The following TENM1 variants were observed in gnomAD, a reference collection of about 807,000 sequenced individuals.
TENM1 encodes the protein teneurin transmembrane protein 1.
In TENM1, 35 loss-of-function variants were observed where a neutral mutation model predicts 174.8. The ratio of observed to expected loss-of-function variants is 0.20; its 90% CI spans 0.15 to 0.27. The LOEUF (loss-of-function observed/expected upper bound fraction) is 0.27. TENM1 is among the 10% of genes least tolerant of loss of function. TENM1 has a pLI of 1.00. For missense variants in TENM1, 1,633 were observed against 2,130.1 expected, an observed-to-expected ratio of 0.77 and a Z score of 4.59; for synonymous variants, 781 against 798.7, an observed-to-expected ratio of 0.98 and a Z score of 0.37.
the TENM1 span, among the ~76,000 whole-genome samples, chrX:125,054,678 A>G: frequency 2.5e-4 from 28 of 112,053 alleles, no homozygotes; most frequent in African/African-American, 7.8e-4. Context: ...AGTTTCTGCC[A>G]TAAGTCAGGT....
At chrX:124,861,039 T>C (rs1015206457) in intron 3 of TENM1, among the ~76,000 whole-genome samples, 4 of 111,836 alleles carry the variant, frequency 3.6e-5, no homozygotes, top group East Asian at 2.8e-4. Context: ...AAAACTACAC[T>C]GAGGCACAAG....
chrX:124,471,649 T>G (rs1385406991), intron 22 of TENM1, among the ~76,000 whole-genome samples: 1 of 84,421 alleles, frequency 1.2e-5, no homozygotes, highest in Non-Finnish European at 2.1e-5. Context: ...TATAATTATA[T>G]AATATACAAT....
At chrX:125,082,478 G>A in the TENM1 span, among the ~76,000 whole-genome samples, 1 of 111,135 alleles carries the variant, frequency 9.0e-6, no homozygotes, top group African/African-American at 3.3e-5. Context: ...TATTGCTAAA[G>A]TCCAACCATA....
intron 11 of TENM1, among the ~76,000 whole-genome samples, chrX:124,595,287 T>G (rs2843507): frequency 0.22 from 24,406 of 111,265 alleles, 1,981 homozygotes; most frequent in South Asian, 0.42. Flanking sequence ...TGTGAGGTGA[T>G]GGATGAGTTA....
intron 1 of TENM1, among the ~76,000 whole-genome samples, chrX:124,904,527 A>C (rs2057715007): frequency 8.9e-6 from 1 of 112,696 alleles, no homozygotes; most frequent in Admixed American, 9.4e-5. Flanking sequence ...TGCAAATTGA[A>C]AAATTGTTAT....
chrX:125,170,096 T>G, the TENM1 span, among the ~76,000 whole-genome samples: 361 of 111,436 alleles, frequency 3.2e-3, 1 homozygote, highest in African/African-American at 0.011. Context: ...AAGCTTGTGA[T>G]TTAAGTTAAG....
intron 3 of TENM1, among the ~76,000 whole-genome samples, chrX:124,790,384 TCTC>T (rs2055152287): frequency 8.9e-6 from 1 of 112,363 alleles, no homozygotes; most frequent in South Asian, 3.7e-4. Context: ...CTTACCATAT[TCTC>T]CTACTTTTTC....
At chrX:125,011,696 C>G in the TENM1 span, among the ~76,000 whole-genome samples, 11,536 of 110,972 alleles carry the variant, frequency 0.1, 537 homozygotes, top group South Asian at 0.21. Context: ...AACAGATGCT[C>G]GTGAGGCTGT....
intron 12 of TENM1, 53 bp from the exon 16 acceptor site, chrX:124,563,825 A>G (rs1299130246): frequency 2.6e-5 from 28 of 1,075,545 alleles, no homozygotes; most frequent in Non-Finnish European, 3.4e-5. Flanking sequence ...GACTAAAGCT[A>G]TACAATATGT....
chrX:124,725,598 C>A (rs1341135849), intron 4 of TENM1, among the ~76,000 whole-genome samples: 1 of 111,865 alleles, frequency 8.9e-6, no homozygotes, highest in Non-Finnish European at 1.9e-5. Flanking sequence ...ACAATTCTTG[C>A]AAACATATTT....
intron 11 of TENM1, among the ~76,000 whole-genome samples, chrX:124,605,565 G>A (rs1005037539): frequency 1.5e-4 from 17 of 110,762 alleles, no homozygotes; most frequent in Non-Finnish European, 2.7e-4. Context: ...TGCCATTTTT[G>A]TTTTCAGTAA....
chrX:124,594,716 C>T (rs887331295), intron 11 of TENM1, among the ~76,000 whole-genome samples: 23 of 112,250 alleles, frequency 2.0e-4, no homozygotes, highest in African/African-American at 6.8e-4. Context: ...AAAATTATTA[C>T]GTAGTCCACA....
At chrX:124,976,319 C>A in the TENM1 span, among the ~76,000 whole-genome samples, 122 of 111,285 alleles carry the variant, frequency 1.1e-3, no homozygotes, top group African/African-American at 4.0e-3. Context: ...CTAATTTCAC[C>A]AAGATCACAC....
chrX:124,940,457 C>G lies in TENM1; in HGVS notation c.217+23080G>C, dbSNP rs182533373. Among the ~76,000 whole-genome samples the G allele has an allele frequency of 1.5e-4, 17 of 111,737 alleles. No homozygotes were observed. In the East Asian group the frequency reaches 4.8e-3, roughly 31 times the overall value. ...AGTTATTTCCTATGTCAGTCATATC[C>G]TTGCCCTTTCTACAGTTTGCTATTC... On this transcript the variant is annotated intron_variant, in intron 1 of 31. Transcript: ENST00000422452.
At position 124,773,529 on chromosome X, in the gene TENM1, G is replaced by T. The variant is rs2054709914; in HGVS notation, c.536-36332C>A. Among the ~76,000 whole-genome samples the T allele has an allele frequency of 4.5e-5, 5 of 110,943 alleles. No homozygotes were observed. In the Admixed American group the frequency reaches 4.8e-4, roughly 11 times the overall value. On this transcript the variant is annotated intron_variant, in intron 3 of 31. Transcript: ENST00000422452. ...GGAAACAAAAGCAAAAACAAAACAGGAGTCAAAACCAAGGTGGGAATTTTA... is the reference window on the plus strand; with the variant it reads ...GGAAACAAAAGCAAAAACAAAACAGTAGTCAAAACCAAGGTGGGAATTTTA...
the TENM1 span, among the ~76,000 whole-genome samples, chrX:124,983,176 T>C: frequency 1.0e-5 from 1 of 96,129 alleles, no homozygotes; most frequent in Non-Finnish European, 1.9e-5. Context: ...TTTTACTGTC[T>C]TTTTTTTTTA....
At chrX:124,452,494 G>C (rs998128287) in intron 23 of TENM1, among the ~76,000 whole-genome samples, 1 of 111,311 alleles carries the variant, frequency 9.0e-6, no homozygotes, top group East Asian at 2.8e-4. Context: ...CTAGAAATAC[G>C]ATTTGACCCA....
the TENM1 span, among the ~76,000 whole-genome samples, chrX:124,981,754 C>G: frequency 3.6e-5 from 4 of 111,138 alleles, no homozygotes; most frequent in African/African-American, 1.3e-4. Context: ...GATTCCCTAT[C>G]AGCCCAGGGA....
intron 18 of TENM1, among the ~76,000 whole-genome samples, chrX:124,517,656 C>T (rs1369449355): frequency 2.8e-4 from 20 of 70,764 alleles, no homozygotes; most frequent in Non-Finnish European, 4.8e-4. Flanking sequence ...CACACCGGGG[C>T]CTGTTGTGGG....
Sources: gnomAD v4.1 joint callset for allele counts (sites outside exome capture counted in the v4.1 genomes callset) on GRCh38, gnomAD v4.1.1 for gene constraint, MANE v1.5 for transcripts, NCBI Gene and HGNC (gene_info 2026-07-23, HGNC 2026-07-21) for gene names.